LIN7A: variants seen among roughly 807,000 people sequenced by gnomAD.
The protein encoded by LIN7A is protein lin-7 homolog A.
LIN7A carries 25 observed loss-of-function variants against 29.8 expected under a neutral mutation model. That is an observed-to-expected ratio of 0.84 (90% confidence interval 0.61 to 1.17). LIN7A has a LOEUF of 1.17. Among genes scored for constraint, LIN7A ranks in the 50% most tolerant of loss-of-function variants. LIN7A has a pLI of 0.00. For missense variants in LIN7A, 239 were observed against 287.0 expected (o/e 0.83, Z 1.21); for synonymous variants, 118 against 107.5 (o/e 1.10, Z -0.60).
At chr12:80,807,535 T>A (rs1467164831) in intron 5 of LIN7A, among the ~76,000 whole-genome samples, 4 of 152,222 alleles carry the variant, frequency 2.6e-5, no homozygotes, top group Admixed American at 6.5e-5. Flanking sequence ...AACATATTTC[T>A]TTCAAAATAC....
intron 2 of LIN7A, among the ~76,000 whole-genome samples, chr12:80,883,952 C>A (rs1875197206): frequency 6.6e-6 from 1 of 152,138 alleles, no homozygotes; most frequent in Non-Finnish European, 1.5e-5. Flanking sequence ...GGACCAGGAG[C>A]ACTTGAACAG....
At chr12:80,804,146 C>T (rs1007491595) in intron 5 of LIN7A, among the ~76,000 whole-genome samples, 2 of 152,078 alleles carry the variant, frequency 1.3e-5, no homozygotes, top group African/African-American at 4.8e-5. Context: ...TTGATACAGA[C>T]ATGCAATGTG....
At chr12:80,877,197 G>A (rs1874755437) in intron 2 of LIN7A, among the ~76,000 whole-genome samples, 1 of 150,034 alleles carries the variant, frequency 6.7e-6, no homozygotes, top group African/African-American at 2.4e-5. Context: ...ATACCCCAGA[G>A]AAGCCTTGGT....
At chr12:80,807,083 T>TTTGTTTTGTTTTTG (rs1555221408) in intron 5 of LIN7A, among the ~76,000 whole-genome samples, 18 of 137,206 alleles carry the variant, frequency 1.3e-4, no homozygotes, top group South Asian at 4.8e-4. Context: ...TTTTTTTTTT[T>TTTGTTTTGTTTTTG]TTTTTTTTGA....
intron 4 of LIN7A, among the ~76,000 whole-genome samples, chr12:80,840,566 T>A (rs1296988582): frequency 6.6e-6 from 1 of 152,028 alleles, no homozygotes; most frequent in Non-Finnish European, 1.5e-5. Context: ...GAGAACATAA[T>A]GTAAATACTG....
intron 1 of LIN7A, among the ~76,000 whole-genome samples, chr12:80,924,705 C>T (rs1048953990): frequency 1.1e-4 from 17 of 152,062 alleles, no homozygotes; most frequent in Non-Finnish European, 2.2e-4. Context: ...TTAAATAGAA[C>T]TAAAAAGAAA....
At chr12:80,913,546 G>C (rs181273416) in intron 1 of LIN7A, among the ~76,000 whole-genome samples, 2 of 152,262 alleles carry the variant, frequency 1.3e-5, no homozygotes, top group East Asian at 3.9e-4. Context: ...AATACCAGCC[G>C]GAGAAAAGAG....
At chr12:80,822,921 G>A (rs1182305700) in intron 4 of LIN7A, among the ~76,000 whole-genome samples, 2 of 152,236 alleles carry the variant, frequency 1.3e-5, no homozygotes, top group East Asian at 1.9e-4. Flanking sequence ...CCTGTTCAAC[G>A]GACCAGAGTG....
Position 80,845,957 on chromosome 12 carries a change from A to T in LIN7A, c.274-18T>A. On this transcript the variant is annotated intron_variant, in intron 3 of 5. Transcript: ENST00000552864. ...ACTGTTGCCTGAAAAAAAAAAAAAAAGATGGTCTTTTGGTAATAAAATGAG... is the reference window on the plus strand; with the variant it reads ...ACTGTTGCCTGAAAAAAAAAAAAAATGATGGTCTTTTGGTAATAAAATGAG... 6.4e-7 allele frequency: 1 copy of T among 1,556,720 alleles called. No individual in the cohort carries two copies. The highest frequency in any genetic ancestry group is 2.3e-5 in the East Asian group (1 of 44,384).
chr12:80,854,691 G>T (rs556588227), intron 2 of LIN7A, among the ~76,000 whole-genome samples: 1 of 152,034 alleles, frequency 6.6e-6, no homozygotes, highest in Admixed American at 6.6e-5. Flanking sequence ...TTACATGATT[G>T]TATGTGATTA....
intron 5 of LIN7A, among the ~76,000 whole-genome samples, chr12:80,810,945 T>C (rs765255243): frequency 1.7e-4 from 26 of 152,316 alleles, no homozygotes; most frequent in Non-Finnish European, 3.5e-4. Flanking sequence ...GCATAGACAG[T>C]GGCAGGTCTC....
chr12:80,849,575 C>A (rs1305392397), intron 2 of LIN7A, among the ~76,000 whole-genome samples: 1 of 152,096 alleles, frequency 6.6e-6, no homozygotes, highest in Non-Finnish European at 1.5e-5. Flanking sequence ...CCCTGCTGTG[C>A]TCTTGGCTGT....
chr12:80,807,077 T>TTGTTTTTTTTGTTG (rs1871049450), intron 5 of LIN7A, among the ~76,000 whole-genome samples: 1 of 115,538 alleles, frequency 8.7e-6, no homozygotes, highest in African/African-American at 3.2e-5. Context: ...TTTTTTTTTT[T>TTGTTTTTTTTGTTG]TTTTTTTTTT....
intron 4 of LIN7A, among the ~76,000 whole-genome samples, chr12:80,824,751 T>TA (rs1390127952): frequency 3.3e-5 from 5 of 152,056 alleles, no homozygotes; most frequent in African/African-American, 4.8e-5. Context: ...TAAACAGAAT[T>TA]AAAAACGAAA....
At chr12:80,851,803 T>A (rs555667158) in intron 2 of LIN7A, among the ~76,000 whole-genome samples, 3 of 152,152 alleles carry the variant, frequency 2.0e-5, no homozygotes, top group Non-Finnish European at 2.9e-5. Context: ...TAGTTCCTAG[T>A]GTAAGCCAAA....
At chr12:80,807,691 G>T (rs1216787767) in intron 5 of LIN7A, among the ~76,000 whole-genome samples, 1 of 152,162 alleles carries the variant, frequency 6.6e-6, no homozygotes, top group Non-Finnish European at 1.5e-5. Context: ...TACCACAAAA[G>T]AGATCTTTAA....
At chr12:80,829,872 T>G (rs1872262194) in intron 4 of LIN7A, among the ~76,000 whole-genome samples, 1 of 152,228 alleles carries the variant, frequency 6.6e-6, no homozygotes, top group South Asian at 2.1e-4. Flanking sequence ...TACATCCACA[T>G]CTGGTGGCCC....
intron 4 of LIN7A, among the ~76,000 whole-genome samples, chr12:80,834,692 C>T (rs1005945548): frequency 3.3e-5 from 5 of 152,206 alleles, no homozygotes; most frequent in Non-Finnish European, 7.3e-5. Flanking sequence ...GTTTGGTTAT[C>T]TCACATGAAC....
intron 4 of LIN7A, among the ~76,000 whole-genome samples, chr12:80,818,800 A>G (rs1191658490): frequency 6.6e-6 from 1 of 152,210 alleles, no homozygotes; most frequent in African/African-American, 2.4e-5. Context: ...ACACTACTCT[A>G]AACCCAAATA....
Sources: allele counts gnomAD v4.1 joint callset (sites outside exome capture counted in the v4.1 genomes callset), GRCh38; gene constraint gnomAD v4.1.1; transcripts MANE v1.5; gene names NCBI Gene and HGNC (gene_info 2026-07-23, HGNC 2026-07-21).